MGST1: variants seen among roughly 807,000 people sequenced by gnomAD.
MGST1 encodes microsomal glutathione S-transferase 1.
Under a neutral mutation model 8.9 loss-of-function variants are expected in MGST1, and 5 were observed. The ratio of observed to expected loss-of-function variants is 0.56; its 90% CI spans 0.29 to 1.19. The LOEUF (loss-of-function observed/expected upper bound fraction) is 1.19, where lower values mean the gene tolerates loss of function less well. Among genes scored for constraint, MGST1 ranks in the 50% most tolerant of loss-of-function variants. The probability of loss-of-function intolerance (pLI) is 0.08; values close to 1 mark genes in which losing one functional copy is unlikely to be tolerated. For synonymous variants in MGST1, 54 were observed against 67.8 expected, an observed-to-expected ratio of 0.80 and a Z score of 1.00; for missense variants, 182 against 187.4, an observed-to-expected ratio of 0.97 and a Z score of 0.17.
In MGST1 at chr12:16,582,945, G is replaced by A. The variant is rs1943206693; in HGVS notation, n.483-6583G>A. ...ACCTGTAATCCCAGCTACTCAGGAG[G>A]CTAATGCAGGAAAATCTCTTGAAGC... On this transcript the variant is annotated intron_variant and non_coding_transcript_variant, in intron 4 of 4. Transcript: ENST00000538857. This position sits in a 1 kb window ranked among gnomAD's most constrained non-coding sequence, Gnocchi z 4.1. Among the ~76,000 whole-genome samples, 1 of 151,348 alleles carries A rather than the reference G, an allele frequency of 6.6e-6. No homozygotes were observed. Among genetic ancestry groups the A allele is most frequent in the African/African-American group, 2.4e-5 (1 of 41,138 alleles).
chr12:16,456,318 A>G (rs1417814557), intron 4 of MGST1, among the ~76,000 whole-genome samples: 2 of 151,890 alleles, frequency 1.3e-5, no homozygotes, highest in East Asian at 1.9e-4. Flanking sequence ...GATAAAATAC[A>G]TTGTAGCCCC....
At chr12:16,474,048 G>A (rs1565461128) in intron 4 of MGST1, among the ~76,000 whole-genome samples, 1 of 152,128 alleles carries the variant, frequency 6.6e-6, no homozygotes, top group African/African-American at 2.4e-5. Flanking sequence ...ATACTGGAAC[G>A]GAGTGAACAA....
At chr12:16,374,600 AC>A (rs1177964706) in intron 3 of MGST1, among the ~76,000 whole-genome samples, 1 of 152,156 alleles carries the variant, frequency 6.6e-6, no homozygotes, top group African/African-American at 2.4e-5. Flanking sequence ...TTAGGAACCT[AC>A]CCCAAAGTTA....
intron 4 of MGST1, among the ~76,000 whole-genome samples, chr12:16,456,843 A>G (rs542891920): frequency 3.0e-4 from 46 of 151,952 alleles, no homozygotes; most frequent in African/African-American, 1.1e-3. Flanking sequence ...AATTCTGTCA[A>G]TTCAGCTTCT....
intron 1 of MGST1, among the ~76,000 whole-genome samples, chr12:16,427,908 A>G (rs1183246450): frequency 6.6e-6 from 1 of 151,836 alleles, no homozygotes; most frequent in Non-Finnish European, 1.5e-5. Context: ...TTAATTTATT[A>G]CTTCTTTTTG....
chr12:16,556,553 C>T (rs543256165), intron 4 of MGST1, among the ~76,000 whole-genome samples: 4 of 152,212 alleles, frequency 2.6e-5, no homozygotes, highest in South Asian at 2.1e-4. Flanking sequence ...TTCACAAACG[C>T]GTAATTCCAC....
At chr12:16,358,133 C>G (rs1939811305) in intron 3 of MGST1, among the ~76,000 whole-genome samples, 1 of 152,170 alleles carries the variant, frequency 6.6e-6, no homozygotes. Flanking sequence ...TGTCCCTCTC[C>G]CCACTGCCAT....
Position 16,582,240 on chromosome 12 carries a change from T to C in MGST1, n.483-7288T>C, listed in dbSNP as rs1299378531. Among the ~76,000 whole-genome samples, 4 of 152,206 alleles carry C rather than the reference T, an allele frequency of 2.6e-5. No homozygotes were observed. Among genetic ancestry groups the C allele is most frequent in the Non-Finnish European group, 5.9e-5 (4 of 68,026 alleles). On this transcript the variant is annotated intron_variant and non_coding_transcript_variant, in intron 4 of 4. Transcript: ENST00000538857. The surrounding 1 kb of genome is among the most constrained non-coding windows in gnomAD (Gnocchi z 4.1). Reference sequence around the variant, plus strand: ...TTTTTGGTACAGACTGCCATAACTATGGTGTTTCTTCCTCCAGTTTGATAA... The same window carrying C: ...TTTTTGGTACAGACTGCCATAACTACGGTGTTTCTTCCTCCAGTTTGATAA...
At chr12:16,554,872 AT>A (rs1416841379) in intron 4 of MGST1, among the ~76,000 whole-genome samples, 4 of 151,816 alleles carry the variant, frequency 2.6e-5, no homozygotes, top group Non-Finnish European at 5.9e-5. Context: ...GTTAGCCAGG[AT>A]GGTCTCGATC....
At chr12:16,398,108 CCA>C (rs1940621668) in intron 1 of MGST1, among the ~76,000 whole-genome samples, 1 of 150,690 alleles carries the variant, frequency 6.6e-6, no homozygotes, top group Admixed American at 6.6e-5. Flanking sequence ...TTACAAAATC[CCA>C]CAGTTTATTC....
At chr12:16,449,927 A>C (rs1175100358) in intron 4 of MGST1, among the ~76,000 whole-genome samples, 1 of 151,940 alleles carries the variant, frequency 6.6e-6, no homozygotes, top group Admixed American at 6.6e-5. Flanking sequence ...GGTGAGGGTT[A>C]GGGTAATGAA....
rs943111086 is a variant in MGST1, at chr12:16,503,242, T to C, written n.483-86286T>C. 1.8e-4 allele frequency among the ~76,000 whole-genome samples: 27 copies of C among 152,120 alleles called. No individual in the cohort carries two copies. Among genetic ancestry groups the C allele is most frequent in the African/African-American group, 6.3e-4 (26 of 41,502 alleles). ...TTGGGTTGGACAGGCAATGTAAATATGGATGGTTTCAAGGGAAGGAAAATA... is the reference window on the plus strand; with the variant it reads ...TTGGGTTGGACAGGCAATGTAAATACGGATGGTTTCAAGGGAAGGAAAATA... On this transcript the variant is annotated intron_variant and non_coding_transcript_variant, in intron 4 of 4. Transcript: ENST00000538857. The surrounding 1 kb of genome is among the most constrained non-coding windows in gnomAD (Gnocchi z 4.8).
At chr12:16,583,639 T>TA (rs1467422346) in intron 4 of MGST1, among the ~76,000 whole-genome samples, 1 of 152,192 alleles carries the variant, frequency 6.6e-6, no homozygotes, top group Non-Finnish European at 1.5e-5. Context: ...TCAAACCTGA[T>TA]AAAAAACATC....
chr12:16,403,476 T>A (rs1480761905), intron 1 of MGST1, among the ~76,000 whole-genome samples: 1 of 152,116 alleles, frequency 6.6e-6, no homozygotes, highest in East Asian at 1.9e-4. Context: ...AAAGAAGGTG[T>A]GTTTTGCAAT....
At chr12:16,543,758 A>G (rs908418991) in intron 4 of MGST1, among the ~76,000 whole-genome samples, 2 of 152,154 alleles carry the variant, frequency 1.3e-5, no homozygotes, top group African/African-American at 4.8e-5. Context: ...GTTGCTAACC[A>G]AGATGTTCAC....
intron 4 of MGST1, among the ~76,000 whole-genome samples, chr12:16,461,635 A>G (rs1262346836): frequency 1.3e-5 from 2 of 152,192 alleles, no homozygotes; most frequent in Non-Finnish European, 2.9e-5. Context: ...TGAGAAAAAA[A>G]CATTTCAACT....
chr12:16,499,800 GGCTGTGGAA>G (rs1941493806), intron 4 of MGST1, among the ~76,000 whole-genome samples: 1 of 151,866 alleles, frequency 6.6e-6, no homozygotes, highest in African/African-American at 2.4e-5. Context: ...ATCTTTTCTT[GGCTGTGGAA>G]TCCTGGCAGA....
At chr12:16,391,982 C>T (rs1267068253) in intron 1 of MGST1, among the ~76,000 whole-genome samples, 1 of 152,090 alleles carries the variant, frequency 6.6e-6, no homozygotes, top group African/African-American at 2.4e-5. Flanking sequence ...TTATCTTAGC[C>T]CCATTTACCA....
In MGST1 at chr12:16,560,260, T is replaced by TAG. The variant is rs1481778471; in HGVS notation, n.483-29267_483-29266dup. On this transcript the variant is annotated intron_variant and non_coding_transcript_variant, in intron 4 of 4. Coordinates refer to the MGST1 transcript ENST00000538857. The surrounding 1 kb of genome is among the most constrained non-coding windows in gnomAD (Gnocchi z 5.0). Reference sequence around the variant, plus strand: ...GTCTTAAGACCTTTCTTCTCCTTAGTAGCTTGTCTCTGGCATGGGATTAAA... The same window carrying TAG: ...GTCTTAAGACCTTTCTTCTCCTTAGTAGAGCTTGTCTCTGGCATGGGATTAAA... 6.6e-6 allele frequency among the ~76,000 whole-genome samples: 1 copy of TAG among 152,204 alleles called. No homozygotes were observed.
Sources: allele counts gnomAD v4.1 joint callset (sites outside exome capture counted in the v4.1 genomes callset), GRCh38; gene constraint gnomAD v4.1.1; non-coding constraint Gnocchi (gnomAD v3.1); transcripts MANE v1.5; gene names NCBI Gene and HGNC (gene_info 2026-07-23, HGNC 2026-07-21).